The following ESR1 variants were observed in gnomAD, a reference collection of about 807,000 sequenced individuals.
ESR1 encodes estrogen receptor.
Under a neutral mutation model 52.7 loss-of-function variants are expected in ESR1, and 12 were observed. The ratio of observed to expected loss-of-function variants is 0.23; its 90% CI spans 0.15 to 0.37. ESR1 has a LOEUF of 0.37. Among genes scored for constraint, ESR1 ranks in the 10% least tolerant of loss-of-function variants. The probability of loss-of-function intolerance (pLI) is 1.00; values close to 1 mark genes in which losing one functional copy is unlikely to be tolerated. For missense variants in ESR1, 584 were observed against 779.7 expected, an observed-to-expected ratio of 0.75 and a Z score of 2.99; for synonymous variants, 305 against 316.8, an observed-to-expected ratio of 0.96 and a Z score of 0.39.
intron 5 of ESR1, among the ~76,000 whole-genome samples, chr6:152,050,299 T>C (rs1421184693): frequency 6.6e-6 from 1 of 152,214 alleles, no homozygotes; most frequent in Non-Finnish European, 1.5e-5. Context: ...AAGATAGCAC[T>C]GGCTTTCAGT....
rs748276035 is a variant in ESR1, at chr6:151,736,375, G to GTTCTTTTTTTT, written c.-71+34372_-71+34373insCTTTTTTTTTT. On this transcript the variant is annotated intron_variant, in intron 2 of 2. Coordinates refer to the ESR1 transcript ENST00000404742. Reference sequence around the variant, plus strand: ...AAATACTTACTGTATTCCAGGTAGTGTTTTTTTTTTTTTTTGAGATGGAGT... The same window carrying GTTCTTTTTTTT: ...AAATACTTACTGTATTCCAGGTAGTGTTCTTTTTTTTTTTTTTTTTTTTTTTGAGATGGAGT... Among the ~76,000 whole-genome samples the GTTCTTTTTTTT allele has an allele frequency of 6.0e-3, 677 of 112,678 alleles. 53 individuals are homozygous for GTTCTTTTTTTT. Among genetic ancestry groups the GTTCTTTTTTTT allele is most frequent in the Middle Eastern group, 0.015 (3 of 206 alleles). 73.9% of individuals were successfully genotyped at this position (112,678 alleles called of 152,430 possible). A position where few individuals can be genotyped will look rare whatever the true frequency, so the allele number is the denominator to read the frequency against.
chr6:151,671,379 G>A (rs796348531), intron 1 of ESR1, among the ~76,000 whole-genome samples: 10 of 152,296 alleles, frequency 6.6e-5, no homozygotes, highest in African/African-American at 2.4e-4. Context: ...TATCACTTGT[G>A]ACAACGTAGA....
intron 3 of ESR1, among the ~76,000 whole-genome samples, chr6:151,933,834 A>G (rs1411727011): frequency 6.6e-6 from 1 of 152,114 alleles, no homozygotes; most frequent in Admixed American, 6.5e-5. Flanking sequence ...AATAAATTAA[A>G]CTCAGCCACT....
chr6:151,894,291 G>A (rs1291870181), intron 3 of ESR1, among the ~76,000 whole-genome samples: 1 of 151,500 alleles, frequency 6.6e-6, no homozygotes, highest in Non-Finnish European at 1.5e-5. Context: ...GTAGATTCTG[G>A]ATCTTAATCC....
intron 1 of ESR1, among the ~76,000 whole-genome samples, chr6:151,827,498 T>C (rs1375758218): frequency 6.6e-6 from 1 of 152,130 alleles, no homozygotes; most frequent in African/African-American, 2.4e-5. Context: ...AATGACCTGA[T>C]CTGACATTTT....
intron 1 of ESR1, among the ~76,000 whole-genome samples, chr6:151,830,358 C>G (rs544890367): frequency 6.6e-6 from 1 of 152,286 alleles, no homozygotes; most frequent in Admixed American, 6.5e-5. Context: ...TAGATGCTCA[C>G]TCAATGCTGT....
rs1232496188 is a variant in ESR1, at chr6:151,947,634, C to T, written c.1096+3126C>T. Among the ~76,000 whole-genome samples the T allele has an allele frequency of 2.0e-5, 3 of 152,178 alleles. No individual in the cohort carries two copies. The South Asian group carries it at 6.2e-4, about 32-fold the overall frequency. On this transcript the variant is annotated intron_variant, in intron 4 of 7. Transcript: ENST00000206249. ...TAAGTTGAATTTTCCTTTTCATTAA[C>T]CCCTGGGGCTTATTTTTTGACTTGA...
chr6:152,039,502 T>C (rs1279718913), intron 5 of ESR1, among the ~76,000 whole-genome samples: 1 of 152,136 alleles, frequency 6.6e-6, no homozygotes, highest in Non-Finnish European at 1.5e-5. Flanking sequence ...GAAATCATTA[T>C]TGTGTCTCCT....
chr6:151,883,776 G>A lies in ESR1; in HGVS notation c.760+3005G>A, dbSNP rs149052314. Among the ~76,000 whole-genome samples, 15 of 151,966 alleles carry A rather than the reference G, an allele frequency of 9.9e-5. No homozygotes were observed. The East Asian group carries it at 2.3e-3, about 24-fold the overall frequency. ...CTGAGACTAAGGTGTTGGCAGGTTT[G>A]ATTTTTCCCGAGGCCTCTCTCCTTG... is the stretch of plus-strand genomic sequence containing the variant. On this transcript the variant is annotated intron_variant, in intron 3 of 7. Coordinates refer to ENST00000206249, the MANE Select transcript of ESR1 (RefSeq NM_000125.4).
chr6:152,075,957 T>C (rs9479197), intron 6 of ESR1, among the ~76,000 whole-genome samples: 31,213 of 152,180 alleles, frequency 0.21, 4,415 homozygotes, highest in African/African-American at 0.39. Context: ...TTGTATATTA[T>C]GTATTCCACA....
rs1025687239 is a variant in ESR1, at chr6:151,710,362, G to A, written c.-71+8357G>A. 3.8e-4 allele frequency among the ~76,000 whole-genome samples: 58 copies of A among 151,436 alleles called. 2 individuals carry two copies. Among genetic ancestry groups the A allele is most frequent in the Admixed American group, 2.9e-3 (44 of 15,208 alleles). ...TGATCAAAATGAAGATGCTCCAACC[G>A]TATAAATGGCAGATGAAATAGACTT... On this transcript the variant is annotated intron_variant, in intron 2 of 2. Transcript: ENST00000404742.
At chr6:151,790,281 G>A (rs922072077) in intron 2 of ESR1, among the ~76,000 whole-genome samples, 2 of 152,184 alleles carry the variant, frequency 1.3e-5, no homozygotes, top group African/African-American at 4.8e-5. Flanking sequence ...GCCCCACGAC[G>A]ACACAGACAG....
At position 151,843,155 on chromosome 6, in the gene ESR1, G is replaced by A. The variant is rs1784560471; in HGVS notation, c.643+368G>A. Among the ~76,000 whole-genome samples the A allele has an allele frequency of 2.0e-5, 3 of 152,200 alleles. No individual in the cohort carries two copies. In the South Asian group the frequency reaches 6.2e-4, roughly 32 times the overall value. On this transcript the variant is annotated intron_variant, in intron 2 of 7. Coordinates refer to ENST00000206249, the MANE Select transcript of ESR1 (RefSeq NM_000125.4). ...GTTTGGTAGGCAACTTTGCCTATATGATCTGGTATATGCTGTTAATTGTCC... is the reference window on the plus strand; with the variant it reads ...GTTTGGTAGGCAACTTTGCCTATATAATCTGGTATATGCTGTTAATTGTCC...
intron 4 of ESR1, among the ~76,000 whole-genome samples, chr6:152,000,301 C>G (rs1319130066): frequency 6.6e-6 from 1 of 151,962 alleles, no homozygotes; most frequent in African/African-American, 2.4e-5. Context: ...ATAATTGACC[C>G]CAAATCACCT....
intron 1 of ESR1, among the ~76,000 whole-genome samples, chr6:151,671,441 A>G (rs1390884826): frequency 6.6e-6 from 1 of 152,150 alleles, no homozygotes; most frequent in African/African-American, 2.4e-5. Flanking sequence ...CAGAAAGACA[A>G]ATTGTGCATG....
intron 2 of ESR1, among the ~76,000 whole-genome samples, chr6:151,749,875 A>G (rs1314641591): frequency 6.6e-6 from 1 of 152,240 alleles, no homozygotes; most frequent in Non-Finnish European, 1.5e-5. Context: ...AGAGACCTCA[A>G]GTGATTAATA....
At chr6:151,897,703 G>A (rs931798704) in intron 3 of ESR1, among the ~76,000 whole-genome samples, 2 of 152,062 alleles carry the variant, frequency 1.3e-5, no homozygotes, top group African/African-American at 4.8e-5. Flanking sequence ...TGAGATGTGA[G>A]GTACTATTCT....
upstream of ESR1, among the ~76,000 whole-genome samples, chr6:151,687,160 T>A (rs1778722696): frequency 6.6e-6 from 1 of 152,198 alleles, no homozygotes; most frequent in Non-Finnish European, 1.5e-5. Flanking sequence ...CACTGGCCAG[T>A]CTATAGTTTG....
chr6:152,028,756 C>T (rs897505280), intron 5 of ESR1, among the ~76,000 whole-genome samples: 2 of 152,238 alleles, frequency 1.3e-5, no homozygotes, highest in African/African-American at 4.8e-5. Flanking sequence ...GAAACCTCTG[C>T]AGACTGAAAT....
Sources: gnomAD v4.1 joint callset for allele counts (sites outside exome capture counted in the v4.1 genomes callset) on GRCh38, gnomAD v4.1.1 for gene constraint, MANE v1.5 for transcripts, NCBI Gene and HGNC (gene_info 2026-07-23, HGNC 2026-07-21) for gene names.